Variants in C11orf65 observed in about 807,000 individuals in gnomAD.
C11orf65 encodes chromosome 11 open reading frame 65.
C11orf65 carries 38 observed loss-of-function variants against 35.3 expected under a neutral mutation model. The observed-to-expected ratio is 1.08, with a 90% CI of 0.83 to 1.41. The LOEUF (loss-of-function observed/expected upper bound fraction) is 1.41, where lower values mean the gene tolerates loss of function less well. Among genes scored for constraint, C11orf65 ranks in the 40% most tolerant of loss-of-function variants. The pLI, the probability that C11orf65 is intolerant of heterozygous loss-of-function variation, is 0.00. For synonymous variants in C11orf65, 105 were observed against 114.4 expected (o/e 0.92, Z 0.53); for missense variants, 370 against 367.1 (o/e 1.01, Z -0.06).
upstream of C11orf65, among the ~76,000 whole-genome samples, chr11:108,469,306 A>G (rs896311919): frequency 3.3e-5 from 5 of 151,912 alleles, no homozygotes; most frequent in Admixed American, 3.3e-4. Flanking sequence ...TAGAAGGATA[A>G]ATTTATGTAT....
downstream of C11orf65, among the ~76,000 whole-genome samples, chr11:108,382,289 T>C (rs983149310): frequency 6.6e-6 from 1 of 151,992 alleles, no homozygotes. Flanking sequence ...TGCTCTAACC[T>C]GGAAGAAAGG....
At chr11:108,465,615 T>A (rs1027418863) in intron 1 of C11orf65, among the ~76,000 whole-genome samples, 1 of 151,992 alleles carries the variant, frequency 6.6e-6, no homozygotes, top group Non-Finnish European at 1.5e-5. Context: ...AGTACAGTAG[T>A]AATTCTTTGG....
At chr11:108,344,298 G>C (rs1250638240) in intron 2 of C11orf65, among the ~76,000 whole-genome samples, 1 of 152,146 alleles carries the variant, frequency 6.6e-6, no homozygotes, top group African/African-American at 2.4e-5. Context: ...AGAGGAAAAG[G>C]TGTGTGAGCC....
intron 2 of C11orf65, among the ~76,000 whole-genome samples, chr11:108,361,883 C>G (rs1183920059): frequency 6.6e-6 from 1 of 150,742 alleles, no homozygotes; most frequent in African/African-American, 2.4e-5. Context: ...AGGACATAGG[C>G]ATGGGCAAGG....
At chr11:108,380,205 T>C (rs2091841005), downstream of C11orf65, among the ~76,000 whole-genome samples, 1 of 152,178 alleles carries the variant, frequency 6.6e-6, no homozygotes, top group South Asian at 2.1e-4. Flanking sequence ...ATTGATGCCT[T>C]ACTACAGCTC....
intron 6 of C11orf65, among the ~76,000 whole-genome samples, chr11:108,402,146 G>C (rs2092450759): frequency 6.6e-6 from 1 of 152,230 alleles, no homozygotes; most frequent in Non-Finnish European, 1.5e-5. Flanking sequence ...TAAAGGCAAT[G>C]AGAAATAGTA....
intron 7 of C11orf65, among the ~76,000 whole-genome samples, chr11:108,387,144 CTTTCTTTTTTTTT>C (rs1368864237): frequency 3.0e-5 from 3 of 101,066 alleles, no homozygotes; most frequent in Non-Finnish European, 6.2e-5. Context: ...TCTTTTCTTT[CTTTCTTTTTTTTT>C]TTTTTTTTTT....
chr11:108,369,440 G>T (rs1470682244), intron 2 of C11orf65, among the ~76,000 whole-genome samples: 5 of 152,170 alleles, frequency 3.3e-5, no homozygotes, highest in Admixed American at 3.3e-4. Context: ...CAAGTGCAAA[G>T]ATCCTGGTAT....
exon 7 of C11orf65, chr11:108,309,023 A>C (rs1022813136): frequency 1.3e-6 from 2 of 1,527,264 alleles, no homozygotes; most frequent in African/African-American, 2.7e-5. Flanking sequence ...AGAAGATAAA[A>C]ATTCTTCATA....
At chr11:108,372,166 C>A (rs373300886) in intron 2 of C11orf65, among the ~76,000 whole-genome samples, 17 of 150,354 alleles carry the variant, frequency 1.1e-4, no homozygotes, top group African/African-American at 4.2e-4. Context: ...CTTTGTAACA[C>A]TAAATTTTAT....
At chr11:108,332,076 T>C in intron 3 of C11orf65, 1 of 1,606,714 alleles carries the variant, frequency 6.2e-7, no homozygotes, top group Non-Finnish European at 8.5e-7. Context: ...AGAAGTGTGA[T>C]ATTCAGTCTT....
intron 2 of C11orf65, among the ~76,000 whole-genome samples, chr11:108,336,616 T>C (rs1159208408): frequency 2.0e-5 from 3 of 152,252 alleles, no homozygotes; most frequent in Non-Finnish European, 1.5e-5. Flanking sequence ...CAACGCTGTA[T>C]TGTAGTGAAT....
Position 108,403,409 on chromosome 11 carries a change from G to GTTTTTTTTTTTTTTTTTTTTTTTT in C11orf65, c.560+2019_560+2020insAAAAAAAAAAAAAAAAAAAAAAAA, listed in dbSNP as rs71047691. Among the ~76,000 whole-genome samples, 18 of 67,310 alleles carry GTTTTTTTTTTTTTTTTTTTTTTTT rather than the reference G, an allele frequency of 2.7e-4. 2 individuals are homozygous for GTTTTTTTTTTTTTTTTTTTTTTTT. Among genetic ancestry groups the GTTTTTTTTTTTTTTTTTTTTTTTT allele is most frequent in the Non-Finnish European group, 3.3e-4 (12 of 36,210 alleles). The allele number at this position is 67,310 out of a possible 152,430, so 44.2% of individuals were successfully genotyped here. ...ACTTTAAAATGTGATTGTTTGAGAGGTTTTTTTTTTGTTTTTTTTTTTTTT... is the reference window on the plus strand; with the variant it reads ...ACTTTAAAATGTGATTGTTTGAGAGGTTTTTTTTTTTTTTTTTTTTTTTTTTTTTTTTTTGTTTTTTTTTTTTTT... On this transcript the variant is annotated intron_variant, in intron 6 of 8. Transcript: ENST00000393084.
intron 2 of C11orf65, among the ~76,000 whole-genome samples, chr11:108,452,473 T>C (rs1274390264): frequency 6.6e-6 from 1 of 152,140 alleles, no homozygotes; most frequent in Non-Finnish European, 1.5e-5. Context: ...CCAGTAAGAA[T>C]GGGAATCACT....
intron 2 of C11orf65, chr11:108,356,147 G>A (rs759565044): frequency 2.0e-5 from 3 of 152,178 alleles, no homozygotes; most frequent in Non-Finnish European, 4.4e-5. Context: ...TAAGCATGAT[G>A]TGTAACATTT....
intron 3 of C11orf65, among the ~76,000 whole-genome samples, chr11:108,427,167 A>C (rs1006701176): frequency 6.6e-6 from 1 of 152,208 alleles, no homozygotes; most frequent in Non-Finnish European, 1.5e-5. Context: ...AGCAATGGCA[A>C]TAAAAGCCAA....
intron 2 of C11orf65, among the ~76,000 whole-genome samples, chr11:108,459,925 G>A (rs778572012): frequency 3.3e-5 from 5 of 152,090 alleles, no homozygotes; most frequent in African/African-American, 7.2e-5. Context: ...AAAAGCTTAC[G>A]CCTAGATGAT....
At chr11:108,391,240 A>G (rs752066299) in intron 7 of C11orf65, among the ~76,000 whole-genome samples, 1 of 152,180 alleles carries the variant, frequency 6.6e-6, no homozygotes, top group African/African-American at 2.4e-5. Context: ...TCTTTATTGT[A>G]GTTGAGTAAA....
At chr11:108,391,283 T>C (rs1318487096) in intron 7 of C11orf65, among the ~76,000 whole-genome samples, 1 of 152,276 alleles carries the variant, frequency 6.6e-6, no homozygotes, top group Non-Finnish European at 1.5e-5. Flanking sequence ...TATTGAGGTA[T>C]ATAATTCATA....
Sources: allele counts gnomAD v4.1 joint callset (sites outside exome capture counted in the v4.1 genomes callset), GRCh38; gene constraint gnomAD v4.1.1; transcripts MANE v1.5; gene names NCBI Gene and HGNC (gene_info 2026-07-23, HGNC 2026-07-21).